The following NEGR1 variants were observed in gnomAD, a reference collection of about 807,000 sequenced individuals.
NEGR1 encodes neuronal growth regulator 1.
Under a neutral mutation model 40.9 loss-of-function variants are expected in NEGR1, and 10 were observed. That is an observed-to-expected ratio of 0.24 (90% CI 0.15 to 0.42). The LOEUF is 0.42. Ranked by LOEUF, NEGR1 falls within the 10% of genes least tolerant of loss-of-function variation. The pLI is 1.00. For missense variants in NEGR1, 352 were observed against 438.9 expected, an observed-to-expected ratio of 0.80 and a Z score of 1.77; for synonymous variants, 185 against 166.8, an observed-to-expected ratio of 1.11 and a Z score of -0.84.
At chr1:71,673,476 T>C (rs1652506068) in intron 4 of NEGR1, among the ~76,000 whole-genome samples, 1 of 152,120 alleles carries the variant, frequency 6.6e-6, no homozygotes, top group South Asian at 2.1e-4. Context: ...ATGGAGCTTA[T>C]GATTTAATAT....
At chr1:71,564,965 C>A (rs544138303) in intron 6 of NEGR1, among the ~76,000 whole-genome samples, 3 of 152,048 alleles carry the variant, frequency 2.0e-5, no homozygotes, top group African/African-American at 7.2e-5. Flanking sequence ...CATACTGCTT[C>A]AAAGAGGAAG....
intron 6 of NEGR1, among the ~76,000 whole-genome samples, chr1:71,511,448 C>T (rs979264747): frequency 1.3e-5 from 2 of 152,132 alleles, no homozygotes; most frequent in African/African-American, 4.8e-5. Context: ...ATATACATTC[C>T]CTTCTGTCTT....
intron 1 of NEGR1, among the ~76,000 whole-genome samples, chr1:72,009,639 G>A (rs1023064802): frequency 6.6e-6 from 1 of 152,052 alleles, no homozygotes; most frequent in African/African-American, 2.4e-5. Context: ...CAGTTTACGT[G>A]TAACCTAAAG....
chr1:71,462,533 TAGA>T (rs71819458), intron 6 of NEGR1, among the ~76,000 whole-genome samples: 11,695 of 152,078 alleles, frequency 0.077, 612 homozygotes, highest in Non-Finnish European at 0.11. Context: ...AGGCCAATCA[TAGA>T]AGAAGATACT....
chr1:71,398,788 T>C lies in NEGR1; in HGVS notation c.*8658A>G, dbSNP rs1332644366. The C allele has an allele frequency of 2.6e-5, 4 of 152,186 alleles. No homozygotes were observed. In the East Asian group the frequency reaches 7.7e-4, roughly 29 times the overall value. The allele number at this position is 152,186 out of a possible 1,614,324, so 9.4% of individuals were successfully genotyped here. On this transcript the variant is annotated 3_prime_UTR_variant, in exon 7 of 7. Transcript: ENST00000357731. ...GTCCCCACCCAAGTCTCATTTGGAA[T>C]TCCCACGGATTGTGGGAGGGACTTG...
chr1:71,932,166 T>C (rs554805264), intron 2 of NEGR1, among the ~76,000 whole-genome samples: 5 of 152,292 alleles, frequency 3.3e-5, no homozygotes, highest in African/African-American at 1.2e-4. Context: ...ACAGGAGCTA[T>C]ATGTAAACAT....
chr1:71,917,741 C>A (rs1033244362), intron 2 of NEGR1, among the ~76,000 whole-genome samples: 18 of 146,056 alleles, frequency 1.2e-4, no homozygotes, highest in African/African-American at 4.6e-4. Flanking sequence ...GATTGCGCCA[C>A]TGCACTCCAG....
At chr1:72,101,408 T>C (rs1235851262) in intron 1 of NEGR1, among the ~76,000 whole-genome samples, 1 of 152,132 alleles carries the variant, frequency 6.6e-6, no homozygotes, top group Non-Finnish European at 1.5e-5. Flanking sequence ...TTTTAAAATA[T>C]TGTTCAATGG....
intron 2 of NEGR1, among the ~76,000 whole-genome samples, chr1:71,803,597 G>GAA (rs1178132973): frequency 1.3e-5 from 2 of 151,960 alleles, no homozygotes; most frequent in African/African-American, 4.8e-5. Flanking sequence ...CATTTATCTG[G>GAA]ACTCTCCCTT....
chr1:71,745,170 A>G (rs1228596583), intron 3 of NEGR1, among the ~76,000 whole-genome samples: 1 of 152,180 alleles, frequency 6.6e-6, no homozygotes, highest in Non-Finnish European at 1.5e-5. Context: ...AATCACCACA[A>G]TGGCTTATGT....
At chr1:71,427,295 G>A (rs1323444169) in intron 6 of NEGR1, among the ~76,000 whole-genome samples, 1 of 152,166 alleles carries the variant, frequency 6.6e-6, no homozygotes. Flanking sequence ...GCATGTTAAA[G>A]TCAATAGCCG....
At chr1:71,827,430 G>T (rs1298759987) in intron 2 of NEGR1, among the ~76,000 whole-genome samples, 1 of 151,554 alleles carries the variant, frequency 6.6e-6, no homozygotes, top group Admixed American at 6.6e-5. Context: ...TTCAATCAAT[G>T]AAAAAGCTGA....
At chr1:71,416,974 G>C (rs1646360203) in intron 6 of NEGR1, among the ~76,000 whole-genome samples, 1 of 152,204 alleles carries the variant, frequency 6.6e-6, no homozygotes, top group South Asian at 2.1e-4. Context: ...TACAGATGAG[G>C]AGGTGAGGCT....
intron 2 of NEGR1, among the ~76,000 whole-genome samples, chr1:71,857,432 T>A: frequency 8.0e-6 from 1 of 125,118 alleles, no homozygotes; most frequent in Admixed American, 9.3e-5. Context: ...AGCAATATAG[T>A]CAAATCCTAT....
In NEGR1 at chr1:72,196,811, T is replaced by C. The variant is rs539787120; in HGVS notation, c.176+85508A>G. Among the ~76,000 whole-genome samples, 46 of 150,386 alleles carry C rather than the reference T, an allele frequency of 3.1e-4. No homozygotes were observed. In the South Asian group the frequency reaches 9.5e-3, roughly 31 times the overall value. ...AGAGAAAAAATGACTTACATGTAACTACAATAAAAGGATTTCTGGCAAATT... is the reference window on the plus strand; with the variant it reads ...AGAGAAAAAATGACTTACATGTAACCACAATAAAAGGATTTCTGGCAAATT... On this transcript the variant is annotated intron_variant, in intron 1 of 6. Coordinates refer to ENST00000357731, the MANE Select transcript of NEGR1 (RefSeq NM_173808.3).
chr1:71,559,632 A>G (rs547120927), intron 6 of NEGR1, among the ~76,000 whole-genome samples: 1 of 151,750 alleles, frequency 6.6e-6, no homozygotes, highest in Non-Finnish European at 1.5e-5. Flanking sequence ...AGGTCCTTTA[A>G]AAGAAAAACA....
At chr1:72,136,343 CA>C (rs1229850255) in intron 1 of NEGR1, among the ~76,000 whole-genome samples, 1 of 152,000 alleles carries the variant, frequency 6.6e-6, no homozygotes, top group Non-Finnish European at 1.5e-5. Context: ...CAGTCGATTG[CA>C]GTTTTAAGTA....
At chr1:71,603,083 A>G (rs536418222) in intron 5 of NEGR1, among the ~76,000 whole-genome samples, 26 of 152,386 alleles carry the variant, frequency 1.7e-4, no homozygotes, top group African/African-American at 5.8e-4. Flanking sequence ...AACACTAGAA[A>G]TGCAAGTTTC....
At position 71,402,559 on chromosome 1, in the gene NEGR1, G is replaced by A. The variant is rs1271272763; in HGVS notation, c.*4887C>T. The stretch of plus-strand genomic sequence containing the variant: ...TCTTTCCACCAGTGATATCAATTCT[G>A]AAATACTTTTGAGTAAGTTTGGAAT... On this transcript the variant is annotated 3_prime_UTR_variant, in exon 7 of 7. Transcript: ENST00000357731. 6.6e-6 allele frequency: 1 copy of A among 152,098 alleles called. No individual in the cohort carries two copies. Among genetic ancestry groups the A allele is most frequent in the Non-Finnish European group, 1.5e-5 (1 of 67,986 alleles). The allele number at this position is 152,098 out of a possible 1,614,324, so 9.4% of individuals were successfully genotyped here.
Sources: gnomAD v4.1 joint callset for allele counts (sites outside exome capture counted in the v4.1 genomes callset) on GRCh38, gnomAD v4.1.1 for gene constraint, MANE v1.5 for transcripts, NCBI Gene and HGNC (gene_info 2026-07-23, HGNC 2026-07-21) for gene names.